The following ZFP90 variants were observed in gnomAD, a reference collection of about 807,000 sequenced individuals.
The protein encoded by ZFP90 is zinc finger protein 90 homolog.
Under a neutral mutation model 60.8 loss-of-function variants are expected in ZFP90, and 38 were observed. That is an observed-to-expected ratio of 0.62 (90% CI 0.48 to 0.82). The LOEUF (loss-of-function observed/expected upper bound fraction) is 0.82. Ranked by LOEUF, ZFP90 falls within the 40% of genes least tolerant of loss-of-function variation. ZFP90 has a pLI of 0.00. For missense variants in ZFP90, 711 were observed against 759.1 expected (o/e 0.94, Z 0.74); for synonymous variants, 287 against 264.8 (o/e 1.08, Z -0.82).
At chr16:68,536,676 A>G (rs1158528008), upstream of ZFP90, among the ~76,000 whole-genome samples, 3 of 152,278 alleles carry the variant, frequency 2.0e-5, no homozygotes, top group East Asian at 5.8e-4. Flanking sequence ...AGTGGTTAAT[A>G]GTAACAGCAA....
chr16:68,545,707 C>CG (rs2091137286), intron 2 of ZFP90, among the ~76,000 whole-genome samples: 1 of 151,940 alleles, frequency 6.6e-6, no homozygotes, highest in Non-Finnish European at 1.5e-5. Context: ...CCCAGCTACT[C>CG]GGGAGGCTGA....
At chr16:68,552,187 G>T (rs2091274370) in intron 2 of ZFP90, among the ~76,000 whole-genome samples, 1 of 152,198 alleles carries the variant, frequency 6.6e-6, no homozygotes, top group Non-Finnish European at 1.5e-5. Flanking sequence ...AGCATGAGAT[G>T]CCCTGAAGTT....
At chr16:68,541,509 T>A (rs7186867) in intron 2 of ZFP90, among the ~76,000 whole-genome samples, 1 of 151,762 alleles carries the variant, frequency 6.6e-6, no homozygotes. Context: ...TTAGTAAAGA[T>A]GGGGTTTCAC....
chr16:68,561,466 T>A (rs761250901), intron 4 of ZFP90, among the ~76,000 whole-genome samples: 1 of 152,238 alleles, frequency 6.6e-6, no homozygotes, highest in Non-Finnish European at 1.5e-5. Context: ...AGATGTGATA[T>A]ATACTAATAT....
In ZFP90 at chr16:68,567,127, T is replaced by A; in HGVS notation, c.*2429T>A. ...TTCTTTCAATAAATAGCCTTCTGAG[T>A]TGAATGGGAGTCAGTTTGTCGTTTT... On this transcript the variant is annotated 3_prime_UTR_variant, in exon 5 of 5. Transcript: ENST00000563169. 1 of 985,536 alleles carries A rather than the reference T, an allele frequency of 1.0e-6. No homozygotes were observed. The highest frequency in any genetic ancestry group is 1.2e-6 in the Non-Finnish European group (1 of 829,928). 61.0% of individuals were successfully genotyped at this position (985,536 alleles called of 1,614,324 possible). A position where few individuals can be genotyped will look rare whatever the true frequency, so the allele number is the denominator to read the frequency against.
intron 2 of ZFP90, among the ~76,000 whole-genome samples, chr16:68,552,208 A>C (rs533313165): frequency 6.6e-6 from 1 of 152,348 alleles, no homozygotes; most frequent in East Asian, 1.9e-4. Context: ...GATCTGACTC[A>C]GAGTGACTAA....
rs750716684 is a variant in ZFP90 at position 68,562,963 on chromosome 16, T to G, written c.257-81T>G. 33 of 1,576,408 alleles carry G rather than the reference T, an allele frequency of 2.1e-5. No individual in the cohort carries two copies. The Middle Eastern group carries it at 5.5e-4, about 26-fold the overall frequency. ...TCAAAACAGAGTCATATGTAACTTA[T>G]ATGTCTTTCTTCATTCCTACTCTAG... On this transcript the variant is annotated intron_variant, in intron 4 of 4. Transcript: ENST00000563169.
Position 68,557,836 on chromosome 16 carries a change from T to C in ZFP90, c.34-162T>C, listed in dbSNP as rs75991088. Among the ~76,000 whole-genome samples, 570 of 148,806 alleles carry C rather than the reference T, an allele frequency of 3.8e-3. 8 individuals are homozygous for C. The highest frequency in any genetic ancestry group is 0.014 in the African/African-American group (550 of 40,160). ...TTCCTGCCTGACATACTAGATCCTT[T>C]ACAAAATTATGTAAACAATAAGTTT... is the stretch of plus-strand genomic sequence containing the variant. On this transcript the variant is annotated intron_variant, in intron 2 of 4. Coordinates refer to ENST00000563169, the MANE Select transcript of ZFP90 (RefSeq NM_001305203.2).
intron 2 of ZFP90, among the ~76,000 whole-genome samples, chr16:68,551,210 CAT>C (rs1441521367): frequency 6.6e-6 from 1 of 152,124 alleles, no homozygotes; most frequent in Non-Finnish European, 1.5e-5. Flanking sequence ...TCAGGGAACT[CAT>C]GTTATTGATG....
At position 68,564,190 on chromosome 16, in the gene ZFP90, A is replaced by G. The variant is rs766034217; in HGVS notation, c.1403A>G (p.His468Arg). 2 of 1,614,102 alleles carry G rather than the reference A, an allele frequency of 1.2e-6. No individual in the cohort carries two copies. Among genetic ancestry groups the G allele is most frequent in the Admixed American group, 1.7e-5 (1 of 60,020 alleles). Residue 468 changes from histidine (H) to arginine (R), a missense_variant, in exon 5 of 5, where the codon CAT (histidine) becomes CGT (arginine). His to Arg is a conservative substitution (Grantham distance 29, BLOSUM62 0). Around this residue, in one of 5 missense-constraint regions of ZFP90, gnomAD observed 295 missense variants for 274.0 expected, o/e 1.08. Transcript: ENST00000563169. ...AGTCACATTACAGACTTTACTGACC[A>G]TCAGAGGATCCATACTGCAGAGAAC... ...DFSHITDFTD[H>R]QRIHTAENPY...
At chr16:68,568,898 C>T (rs1008240006), downstream of ZFP90, among the ~76,000 whole-genome samples, 25 of 152,128 alleles carry the variant, frequency 1.6e-4, no homozygotes, top group East Asian at 5.8e-4. Context: ...AGGCTGGTTT[C>T]GAACTCCTGG....
intron 2 of ZFP90, among the ~76,000 whole-genome samples, chr16:68,552,009 C>G (rs937499258): frequency 3.9e-5 from 6 of 152,112 alleles, no homozygotes; most frequent in Admixed American, 1.3e-4. Flanking sequence ...ATCCACCCGC[C>G]TTGGCCTCCC....
downstream of ZFP90, among the ~76,000 whole-genome samples, chr16:68,568,570 C>G (rs1050086588): frequency 3.9e-5 from 6 of 152,152 alleles, no homozygotes; most frequent in African/African-American, 1.4e-4. Flanking sequence ...AGAAATTCTC[C>G]CTTGTGAGGA....
chr16:68,546,245 CTT>C (rs1448445171), intron 2 of ZFP90, among the ~76,000 whole-genome samples: 2 of 152,158 alleles, frequency 1.3e-5, no homozygotes, highest in Non-Finnish European at 2.9e-5. Flanking sequence ...TTGATATAAT[CTT>C]TGTCAGTTTT....
At chr16:68,572,807 T>C (rs983073416) in intron 2 of ZFP90, among the ~76,000 whole-genome samples, 1 of 152,152 alleles carries the variant, frequency 6.6e-6, no homozygotes, top group Non-Finnish European at 1.5e-5. Flanking sequence ...GTGTTCCCTG[T>C]AGTGTGGAGG....
At position 68,539,483 on chromosome 16, in the gene ZFP90, CGCGGGTCTGG is replaced by C; in HGVS notation, c.-36+10_-36+19del. The C allele has an allele frequency of 2.4e-6, 1 of 417,926 alleles. No homozygotes were observed. The highest frequency in any genetic ancestry group is 4.2e-6 in the Non-Finnish European group (1 of 235,934). The allele number at this position is 417,926 out of a possible 1,614,324, so 25.9% of individuals were successfully genotyped here. On this transcript the variant is annotated splice_donor_5th_base_variant and intron_variant, in intron 1 of 4. Coordinates refer to ENST00000563169, the MANE Select transcript of ZFP90 (RefSeq NM_001305203.2). ...CCCCCAGAGGCGGTGATTCTGAGTG[CGCGGGTCTGG>C]GCGGGACCCCTCCTGGGTTTGGCGG...
chr16:68,545,903 A>G (rs1362057064), intron 2 of ZFP90, among the ~76,000 whole-genome samples: 2 of 152,118 alleles, frequency 1.3e-5, no homozygotes, highest in African/African-American at 4.8e-5. Context: ...GGCCGGGTAC[A>G]GTGGCTCACA....
intron 2 of ZFP90, chr16:68,574,240 A>G (rs1316832491): frequency 6.8e-6 from 1 of 148,094 alleles, no homozygotes; most frequent in Non-Finnish European, 1.5e-5. Flanking sequence ...AAAAAAAAAA[A>G]AAAAAAAAAA....
rs2152075326 is a variant in ZFP90, at chr16:68,564,506, A to G, written c.1719A>G (p.Arg573=). The change falls in exon 5 of 5, where the codon AGA becomes AGG. Residue 573 remains arginine (R), a synonymous_variant. Coordinates refer to ENST00000563169, the MANE Select transcript of ZFP90 (RefSeq NM_001305203.2). ...SQSSSLIQHE[R]THTGEKPYEC... ...GTTCATCTCTCATTCAGCATGAGAG[A>G]ACTCATACTGGAGAGAAGCCCTATG... 1 of 1,614,020 alleles carries G rather than the reference A, an allele frequency of 6.2e-7. No homozygotes were observed. The highest frequency in any genetic ancestry group is 2.2e-5 in the East Asian group (1 of 44,862).
Sources: allele counts gnomAD v4.1 joint callset (sites outside exome capture counted in the v4.1 genomes callset), GRCh38; gene constraint gnomAD v4.1.1; regional missense constraint gnomAD v4.1.1; transcripts MANE v1.5; gene names NCBI Gene and HGNC (gene_info 2026-07-23, HGNC 2026-07-21).